TNFRSF11A: variants seen among roughly 807,000 people sequenced by gnomAD.
TNFRSF11A encodes the protein TNF receptor superfamily member 11a.
In TNFRSF11A, 32 loss-of-function variants were observed where a neutral mutation model predicts 55.7. The observed-to-expected ratio is 0.57, with a 90% confidence interval of 0.43 to 0.77. TNFRSF11A has a LOEUF of 0.77. TNFRSF11A is among the 30% of genes least tolerant of loss of function. The pLI is 0.00. For missense variants in TNFRSF11A, 753 were observed against 809.8 expected (o/e 0.93, Z 0.85); for synonymous variants, 311 against 331.0 (o/e 0.94, Z 0.65).
Position 62,389,371 on chromosome 18 carries a change from C to G in TNFRSF11A, c.*4337C>G, listed in dbSNP as rs961257556. ...TGGCGGTGCCAGCAGTGAGCACAGG[C>G]GGGGTCTAGGTGGGATCACTGAAGC... is the stretch of plus-strand genomic sequence containing the variant. On this transcript the variant is annotated 3_prime_UTR_variant, in exon 10 of 10. Coordinates refer to ENST00000586569, the MANE Select transcript of TNFRSF11A (RefSeq NM_003839.4). 7 of 152,500 alleles carry G rather than the reference C, an allele frequency of 4.6e-5. No homozygotes were observed. The highest frequency in any genetic ancestry group is 2.1e-4 in the South Asian group (1 of 4,818). The allele number at this position is 152,500 out of a possible 1,614,324, so 9.4% of individuals were successfully genotyped here.
chr18:62,357,293 T>C (rs1909328445), intron 4 of TNFRSF11A, among the ~76,000 whole-genome samples: 1 of 152,240 alleles, frequency 6.6e-6, no homozygotes, highest in South Asian at 2.1e-4. Flanking sequence ...TAGTAGCCAA[T>C]GTTCTTCTTG....
chr18:62,385,339 T>A lies in TNFRSF11A; in HGVS notation c.*305T>A. 1.4e-5 allele frequency: 3 copies of A among 219,862 alleles called. No homozygotes were observed. Among genetic ancestry groups the A allele is most frequent in the Non-Finnish European group, 2.5e-5 (3 of 118,278 alleles). 13.6% of individuals were successfully genotyped at this position (219,862 alleles called of 1,614,324 possible). On this transcript the variant is annotated 3_prime_UTR_variant, in exon 10 of 10. Transcript: ENST00000586569. ...ACAGCTATTTTTATGACTATCCTGTTCTGTGGGGGGGGGGGTCTGTTTTCC... is the reference window on the plus strand; with the variant it reads ...ACAGCTATTTTTATGACTATCCTGTACTGTGGGGGGGGGGGTCTGTTTTCC...
rs4940552 is a variant in TNFRSF11A, at chr18:62,389,715, A to C, written c.*4681A>C. 0.15 allele frequency: 22,526 copies of C among 152,224 alleles called. 1,886 individuals are homozygous for C. Among genetic ancestry groups the C allele is most frequent in the African/African-American group, 0.22 (9,033 of 41,514 alleles). 9.4% of individuals were successfully genotyped at this position (152,224 alleles called of 1,614,324 possible). On this transcript the variant is annotated 3_prime_UTR_variant, in exon 10 of 10. Transcript: ENST00000586569. ...CCTTCATCCCATTCATAAAACTGGC[A>C]TACAGGAATGTTTTAAAAAAATCTT... is the stretch of plus-strand genomic sequence containing the variant.
intron 4 of TNFRSF11A, chr18:62,358,006 C>T (rs1490402730): frequency 1.9e-5 from 10 of 514,688 alleles, no homozygotes; most frequent in Admixed American, 3.2e-5. Flanking sequence ...GACATCAAGT[C>T]AGTTACCTTT....
intron 9 of TNFRSF11A, chr18:62,373,999 C>T (rs1327591134): frequency 6.6e-6 from 1 of 152,234 alleles, no homozygotes; most frequent in Non-Finnish European, 1.5e-5. Flanking sequence ...TCTTTCTTCA[C>T]ACTCTTGTTA....
intron 9 of TNFRSF11A, among the ~76,000 whole-genome samples, chr18:62,376,957 C>G (rs1191254444): frequency 6.6e-6 from 1 of 152,144 alleles, no homozygotes; most frequent in Non-Finnish European, 1.5e-5. Context: ...TTCTGTCACC[C>G]AGGCTGGAGT....
At chr18:62,334,948 C>T (rs1201935332) in intron 1 of TNFRSF11A, among the ~76,000 whole-genome samples, 2 of 152,078 alleles carry the variant, frequency 1.3e-5, no homozygotes, top group African/African-American at 2.4e-5. Context: ...ACTGTGAGAT[C>T]AAGGGGGCAG....
chr18:62,367,769 T>A (rs1245479520), intron 8 of TNFRSF11A, among the ~76,000 whole-genome samples: 2 of 83,422 alleles, frequency 2.4e-5, no homozygotes, highest in African/African-American at 3.6e-5. Context: ...TTTAGATCTT[T>A]CTTTCTTTTC....
Position 62,366,745 on chromosome 18 carries a change from C to T in TNFRSF11A, c.768C>T (p.Arg256=), listed in dbSNP as rs1910111903. Residue 256 remains arginine (R), a synonymous_variant, in exon 8 of 10, where the codon CGC becomes CGT. Transcript: ENST00000586569. ...LWHWINEACG[R]LSGDKESSGD... is the part of the protein sequence containing the mutation. ...ACTGGATCAATGAGGCTTGTGGCCG[C>T]CTAAGTGGAGATAAGGTAGAGTGAA... is the stretch of plus-strand genomic sequence containing the variant. 1 of 1,614,102 alleles carries T rather than the reference C, an allele frequency of 6.2e-7. No homozygotes were observed. The highest frequency in any genetic ancestry group is 1.1e-5 in the South Asian group (1 of 91,086).
rs1568479679 is a variant in TNFRSF11A, at chr18:62,349,423, C to T, written c.158-389C>T. Among the ~76,000 whole-genome samples the T allele has an allele frequency of 2.0e-5, 3 of 152,264 alleles. 1 individual carries two copies. The highest frequency in any genetic ancestry group is 6.5e-5 in the Admixed American group (1 of 15,296). Reference sequence around the variant, plus strand: ...CTCAAATTTCTGGCCTCAGGTGATCCGCCCGTCTCCGCCTCCCAAACTGCT... The same window carrying T: ...CTCAAATTTCTGGCCTCAGGTGATCTGCCCGTCTCCGCCTCCCAAACTGCT... On this transcript the variant is annotated intron_variant, in intron 2 of 9. Transcript: ENST00000586569.
At chr18:62,338,566 C>CA (rs1049368845) in intron 1 of TNFRSF11A, among the ~76,000 whole-genome samples, 2 of 152,036 alleles carry the variant, frequency 1.3e-5, no homozygotes, top group African/African-American at 4.8e-5. Context: ...TCGCCAGACA[C>CA]AAAGGGAAAA....
chr18:62,358,447 C>CAAGAGGAAGCCTAA, intron 5 of TNFRSF11A, 106 bp downstream of exon 5: 2 of 1,066,310 alleles, frequency 1.9e-6, no homozygotes, highest in Non-Finnish European at 2.9e-6. Flanking sequence ...GGTTAGGCTT[C>CAAGAGGAAGCCTAA]CTCTTGAAGC....
At chr18:62,356,678 G>T (rs1356867704) in intron 4 of TNFRSF11A, among the ~76,000 whole-genome samples, 1 of 152,220 alleles carries the variant, frequency 6.6e-6, no homozygotes, top group Admixed American at 6.5e-5. Context: ...AATAGAGCGG[G>T]AAAGGTGGGA....
At chr18:62,331,407 C>A (rs2046151731) in intron 1 of TNFRSF11A, among the ~76,000 whole-genome samples, 1 of 152,110 alleles carries the variant, frequency 6.6e-6, no homozygotes, top group South Asian at 2.1e-4. Flanking sequence ...TACGTTTAGG[C>A]TCTTGAATCT....
At position 62,369,026 on chromosome 18, in the gene TNFRSF11A, C is replaced by T. The variant is rs1157374887; in HGVS notation, c.1109C>T (p.Ser370Phe). The T allele has an allele frequency of 6.2e-7, 1 of 1,614,226 alleles. No homozygotes were observed. ...LLFLTEPGSK[S>F]TPPFSEPLEV... The stretch of plus-strand genomic sequence containing the variant: ...TTCCTCACTGAGCCTGGAAGCAAAT[C>T]CACACCTCCTTTCTCTGAACCCCTG... The change falls in exon 9 of 10, where the codon TCC becomes TTC. Residue 370 changes from serine to phenylalanine, a missense_variant. Transcript: ENST00000586569.
chr18:62,367,788 CTT>C (rs67721371), intron 8 of TNFRSF11A, among the ~76,000 whole-genome samples: 89 of 78,678 alleles, frequency 1.1e-3, no homozygotes, highest in Non-Finnish European at 1.8e-3. Context: ...TCTTCTTCTT[CTT>C]TTTTTTTTTT....
At chr18:62,347,293 C>A (rs2046397763) in intron 1 of TNFRSF11A, among the ~76,000 whole-genome samples, 1 of 152,182 alleles carries the variant, frequency 6.6e-6, no homozygotes, top group African/African-American at 2.4e-5. Flanking sequence ...GACTGCTTGT[C>A]AACAGGAGTG....
intron 1 of TNFRSF11A, among the ~76,000 whole-genome samples, chr18:62,331,599 C>T (rs1345430026): frequency 6.6e-6 from 1 of 152,184 alleles, no homozygotes; most frequent in Non-Finnish European, 1.5e-5. Flanking sequence ...AGAGACAGAG[C>T]TCTTAACACA....
intron 1 of TNFRSF11A, among the ~76,000 whole-genome samples, chr18:62,343,323 C>T (rs1033978544): frequency 2.6e-5 from 4 of 152,192 alleles, no homozygotes; most frequent in Admixed American, 6.5e-5. Context: ...CTTTCTACAT[C>T]GTTCGATGTC....
Sources: gnomAD v4.1 joint callset for allele counts (sites outside exome capture counted in the v4.1 genomes callset) on GRCh38, gnomAD v4.1.1 for gene constraint, MANE v1.5 for transcripts, NCBI Gene and HGNC (gene_info 2026-07-23, HGNC 2026-07-21) for gene names.